The following COX7B2 variants were observed in gnomAD, a reference collection of about 807,000 sequenced individuals.
The protein encoded by COX7B2 is cytochrome c oxidase subunit 7B2, mitochondrial.
For missense variants in COX7B2, 109 were observed against 95.9 expected, an observed-to-expected ratio of 1.14 and a Z score of -0.57; for synonymous variants, 37 against 32.1, an observed-to-expected ratio of 1.15 and a Z score of -0.51.
At chr4:46,888,629 C>T (rs1719232258) in intron 1 of COX7B2, among the ~76,000 whole-genome samples, 1 of 151,872 alleles carries the variant, frequency 6.6e-6, no homozygotes, top group South Asian at 2.1e-4. Context: ...TATTTTTTTA[C>T]TAGAGATGGG....
chr4:46,841,178 G>C (rs1715900053), intron 2 of COX7B2, among the ~76,000 whole-genome samples: 1 of 151,942 alleles, frequency 6.6e-6, no homozygotes, highest in Admixed American at 6.6e-5. Context: ...AGAAAAATTA[G>C]CCTGCTCTTA....
intron 2 of COX7B2, among the ~76,000 whole-genome samples, chr4:46,793,086 G>A (rs1388685615): frequency 1.3e-5 from 2 of 152,196 alleles, no homozygotes; most frequent in Non-Finnish European, 1.5e-5. Context: ...GCTCCTGGCC[G>A]ACTGTGGTCA....
chr4:46,907,334 CTTATT>C (rs933186016), intron 1 of COX7B2, among the ~76,000 whole-genome samples: 1 of 152,130 alleles, frequency 6.6e-6, no homozygotes, highest in Non-Finnish European at 1.5e-5. Flanking sequence ...CCAGCTCTAA[CTTATT>C]TTATTCTTGC....
chr4:46,879,126 TTTTG>T (rs1370596334), intron 1 of COX7B2, among the ~76,000 whole-genome samples: 7 of 152,098 alleles, frequency 4.6e-5, no homozygotes, highest in African/African-American at 1.4e-4. Flanking sequence ...TCTTGATTTT[TTTTG>T]TTTGTTTTTT....
intron 1 of COX7B2, among the ~76,000 whole-genome samples, chr4:46,907,935 C>A (rs1477988380): frequency 7.1e-6 from 1 of 140,888 alleles, no homozygotes; most frequent in Non-Finnish European, 1.5e-5. Flanking sequence ...CTCACTGCAA[C>A]CTCCGCCTCC....
chr4:46,834,289 A>T (rs1358124724), intron 2 of COX7B2, among the ~76,000 whole-genome samples: 1 of 152,106 alleles, frequency 6.6e-6, no homozygotes, highest in Middle Eastern at 3.2e-3. Flanking sequence ...TGGTAATACA[A>T]ACAGGAATGA....
At chr4:46,760,787 A>G (rs1486042773) in intron 2 of COX7B2, among the ~76,000 whole-genome samples, 1 of 152,224 alleles carries the variant, frequency 6.6e-6, no homozygotes, top group Non-Finnish European at 1.5e-5. Context: ...AATTCAGTGA[A>G]TACATTTAAT....
chr4:46,840,477 G>A (rs573065469), intron 2 of COX7B2, among the ~76,000 whole-genome samples: 10 of 151,950 alleles, frequency 6.6e-5, no homozygotes, highest in African/African-American at 2.4e-4. Context: ...GAGTACATGA[G>A]TGCTGAGAGA....
chr4:46,838,876 C>T (rs574465208), intron 2 of COX7B2, among the ~76,000 whole-genome samples: 14 of 151,844 alleles, frequency 9.2e-5, no homozygotes, highest in African/African-American at 1.4e-4. Flanking sequence ...TTTTACCTTT[C>T]CTGGAACTTT....
At chr4:46,759,475 T>C (rs949836167) in intron 2 of COX7B2, among the ~76,000 whole-genome samples, 4 of 151,948 alleles carry the variant, frequency 2.6e-5, no homozygotes, top group Admixed American at 2.0e-4. Flanking sequence ...ATATCAAGAA[T>C]CTACAAAGAA....
chr4:46,889,536 G>A (rs1719293072), intron 1 of COX7B2, among the ~76,000 whole-genome samples: 1 of 152,224 alleles, frequency 6.6e-6, no homozygotes, highest in East Asian at 1.9e-4. Flanking sequence ...AGATAGGCAA[G>A]GCTGCCATGA....
chr4:46,760,515 C>T (rs1467808924), intron 2 of COX7B2, among the ~76,000 whole-genome samples: 1 of 151,948 alleles, frequency 6.6e-6, no homozygotes, highest in African/African-American at 2.4e-5. Context: ...AATGAGAACA[C>T]ATGGACACGG....
At chr4:46,840,627 C>A (rs921315522) in intron 2 of COX7B2, among the ~76,000 whole-genome samples, 1 of 152,040 alleles carries the variant, frequency 6.6e-6, no homozygotes, top group South Asian at 2.1e-4. Flanking sequence ...CATGGGACTT[C>A]TAATACAACG....
intron 1 of COX7B2, among the ~76,000 whole-genome samples, chr4:46,863,783 A>G (rs1275945745): frequency 6.6e-6 from 1 of 152,156 alleles, no homozygotes; most frequent in Non-Finnish European, 1.5e-5. Context: ...CTATAAAAGC[A>G]ATGTTTTCCT....
intron 2 of COX7B2, among the ~76,000 whole-genome samples, chr4:46,761,503 C>G (rs570789377): frequency 6.6e-6 from 1 of 152,264 alleles, no homozygotes; most frequent in South Asian, 2.1e-4. Context: ...GGTGAAAGAG[C>G]TGAACTGTTC....
chr4:46,886,536 T>C (rs924701803), intron 1 of COX7B2, among the ~76,000 whole-genome samples: 3 of 152,142 alleles, frequency 2.0e-5, no homozygotes, highest in Admixed American at 6.5e-5. Flanking sequence ...ACAACTCTTA[T>C]TCTCACAAGT....
At chr4:46,757,690 A>G (rs964805539) in intron 2 of COX7B2, among the ~76,000 whole-genome samples, 2 of 152,054 alleles carry the variant, frequency 1.3e-5, no homozygotes, top group African/African-American at 4.8e-5. Flanking sequence ...ATAAACTCCT[A>G]TTCTTACGGA....
rs183910122 is a variant in COX7B2 at position 46,769,488 on chromosome 4, G to A, written c.-49-34247C>T. ...GGCTCACGCCTGTGATCACAGGCAG[G>A]TGGATCACTTGAGGTCAGGAGTTTG... On this transcript the variant is annotated intron_variant, in intron 2 of 2. Transcript: ENST00000355591. Among the ~76,000 whole-genome samples, 9 of 152,284 alleles carry A rather than the reference G, an allele frequency of 5.9e-5. No homozygotes were observed. The East Asian group carries it at 1.7e-3, about 29-fold the overall frequency.
At chr4:46,832,473 C>T (rs1362000113) in intron 2 of COX7B2, among the ~76,000 whole-genome samples, 1 of 152,194 alleles carries the variant, frequency 6.6e-6, no homozygotes, top group Non-Finnish European at 1.5e-5. Flanking sequence ...CATATTATTT[C>T]TGTTCCCAAT....
Sources: allele counts gnomAD v4.1 joint callset (sites outside exome capture counted in the v4.1 genomes callset), GRCh38; gene constraint gnomAD v4.1.1; transcripts MANE v1.5; gene names NCBI Gene and HGNC (gene_info 2026-07-23, HGNC 2026-07-21).